Variants in SCRN3 observed in about 807,000 individuals in gnomAD.
SCRN3 encodes the protein secernin 3, also known as secernin-3.
In SCRN3, 39 loss-of-function variants were observed where a neutral mutation model predicts 43.1. That is an observed-to-expected ratio of 0.91 (90% CI 0.70 to 1.18). The LOEUF (loss-of-function observed/expected upper bound fraction) is 1.18, where lower values mean the gene tolerates loss of function less well. SCRN3 is among the 50% of genes most tolerant of loss of function. The pLI, the probability that SCRN3 is intolerant of heterozygous loss-of-function variation, is 0.00. For missense variants in SCRN3, 484 were observed against 498.0 expected (o/e 0.97, Z 0.27); for synonymous variants, 147 against 163.1 (o/e 0.90, Z 0.75).
intron 7 of SCRN3, 89 bp downstream of exon 7, chr2:174,424,738 C>T: frequency 1.0e-6 from 1 of 957,056 alleles, no homozygotes; most frequent in Middle Eastern, 3.4e-4. Flanking sequence ...GCTTTCCTCC[C>T]TTCTTATAAG....
At chr2:174,411,935 T>TTA (rs1574658607) in intron 5 of SCRN3, among the ~76,000 whole-genome samples, 1 of 152,168 alleles carries the variant, frequency 6.6e-6, no homozygotes, top group Non-Finnish European at 1.5e-5. Context: ...AAAATTTTTT[T>TTA]AATTAAAAAT....
chr2:174,403,994 A>C, intron 4 of SCRN3, 109 bp from the exon 5 acceptor site: 1 of 763,338 alleles, frequency 1.3e-6, no homozygotes, highest in South Asian at 2.1e-5. Context: ...CAAAATTTAG[A>C]AGTCTATATT....
Position 174,395,834 on chromosome 2 carries a change from G to A in SCRN3, c.-10+17G>A. Reference sequence around the variant, plus strand: ...GGAGGCCAGGTGAGGGGCGCGCACGGGGGAGGGGCGTGCATAGTTGAGACA... The same window carrying A: ...GGAGGCCAGGTGAGGGGCGCGCACGAGGGAGGGGCGTGCATAGTTGAGACA... On this transcript the variant is annotated intron_variant, in intron 1 of 7. Transcript: ENST00000272732. The A allele has an allele frequency of 6.7e-7, 1 of 1,502,334 alleles. No individual in the cohort carries two copies. The highest frequency in any genetic ancestry group is 8.9e-7 in the Non-Finnish European group (1 of 1,124,444). The allele number at this position is 1,502,334 out of a possible 1,614,324, so 93.1% of individuals were successfully genotyped here.
chr2:174,405,651 G>A (rs1263292640), intron 5 of SCRN3, among the ~76,000 whole-genome samples: 8 of 143,694 alleles, frequency 5.6e-5, no homozygotes, highest in African/African-American at 2.0e-4. Context: ...GTAAGGGAGG[G>A]ATCCAGTTTC....
At chr2:174,411,428 A>C (rs1685912689) in intron 5 of SCRN3, among the ~76,000 whole-genome samples, 1 of 152,142 alleles carries the variant, frequency 6.6e-6, no homozygotes, top group Non-Finnish European at 1.5e-5. Context: ...GATAGTTTCT[A>C]CTGTAATGTC....
At chr2:174,396,426 C>A in intron 1 of SCRN3, 2 of 560,140 alleles carry the variant, frequency 3.6e-6, no homozygotes, top group Non-Finnish European at 4.5e-6. Context: ...GCCCTTGGGA[C>A]TCCAGGTTTT....
At position 174,418,548 on chromosome 2, in the gene SCRN3, G is replaced by C. The variant is rs374683830; in HGVS notation, c.755-4337G>C. Among the ~76,000 whole-genome samples the C allele has an allele frequency of 3.9e-5, 6 of 152,288 alleles. No homozygotes were observed. In the East Asian group the frequency reaches 1.2e-3, roughly 29 times the overall value. ...ACTGCAGTCTCAGTACTTACTCAGT[G>C]CTTGCTAGTGGATTACTTATGGCTA... On this transcript the variant is annotated intron_variant, in intron 5 of 7. Coordinates refer to ENST00000272732, the MANE Select transcript of SCRN3 (RefSeq NM_024583.5).
intron 3 of SCRN3, 39 bp downstream of exon 3, chr2:174,400,142 A>C: frequency 7.2e-7 from 1 of 1,383,978 alleles, no homozygotes; most frequent in Non-Finnish European, 9.7e-7. Context: ...GACCTTGTCT[A>C]AATTTATAAT....
chr2:174,420,571 T>C (rs1686261716), intron 5 of SCRN3, among the ~76,000 whole-genome samples: 1 of 152,196 alleles, frequency 6.6e-6, no homozygotes, highest in Admixed American at 6.5e-5. Context: ...ATTACTATTA[T>C]ATATTCAAAA....
chr2:174,413,019 C>T (rs1372163460), intron 5 of SCRN3, among the ~76,000 whole-genome samples: 1 of 151,870 alleles, frequency 6.6e-6, no homozygotes, highest in Non-Finnish European at 1.5e-5. Flanking sequence ...CAGGCATGTG[C>T]CACCACACCC....
intron 1 of SCRN3, chr2:174,397,454 G>C: frequency 1.3e-6 from 1 of 779,004 alleles, no homozygotes; most frequent in Non-Finnish European, 1.6e-6. Flanking sequence ...TTAAATATGT[G>C]AACTTTCTCC....
intron 2 of SCRN3, 36 bp from the exon 3 acceptor site, chr2:174,399,886 G>C (rs747293173): frequency 1.5e-6 from 2 of 1,314,096 alleles, no homozygotes; most frequent in Non-Finnish European, 2.0e-6. Flanking sequence ...TGGTTTTGTG[G>C]TTCTTGCTAT....
At chr2:174,404,393 T>C (rs1164467002) in intron 5 of SCRN3, 78 bp downstream of exon 5, 19 of 884,446 alleles carry the variant, frequency 2.1e-5, no homozygotes, top group Non-Finnish European at 3.3e-5. Flanking sequence ...ATAACATCTG[T>C]TTTGGGGAAT....
chr2:174,400,968 G>A, intron 3 of SCRN3, 22 bp from the exon 4 acceptor site: 1 of 1,528,388 alleles, frequency 6.5e-7, no homozygotes, highest in Non-Finnish European at 8.8e-7. Context: ...TTTAATATGA[G>A]AACTTTATAT....
At chr2:174,421,439 G>A (rs1192500041) in intron 5 of SCRN3, among the ~76,000 whole-genome samples, 1 of 152,206 alleles carries the variant, frequency 6.6e-6, no homozygotes, top group Non-Finnish European at 1.5e-5. Flanking sequence ...AGTGCTTAAA[G>A]TCTATTGTGC....
chr2:174,419,614 CACAGTAT>C (rs1326984752), intron 5 of SCRN3, among the ~76,000 whole-genome samples: 83 of 99,708 alleles, frequency 8.3e-4, no homozygotes, highest in African/African-American at 2.3e-3. Context: ...CTCCTGGGCT[CACAGTAT>C]CAAGTGATAC....
At chr2:174,401,314 G>A in intron 4 of SCRN3, 125 bp downstream of exon 4, 2 of 719,038 alleles carry the variant, frequency 2.8e-6, no homozygotes, top group African/African-American at 1.8e-5. Flanking sequence ...TGAACTGCAA[G>A]GGAAATTTAA....
intron 5 of SCRN3, among the ~76,000 whole-genome samples, chr2:174,406,734 T>G (rs939088238): frequency 1.5e-5 from 2 of 137,268 alleles, no homozygotes; most frequent in Non-Finnish European, 3.3e-5. Flanking sequence ...TTTTTGTCTT[T>G]GGCTCTGTTT....
chr2:174,403,975 C>T (rs566555791), intron 4 of SCRN3, 128 bp from the exon 5 acceptor site: 10 of 618,190 alleles, frequency 1.6e-5, no homozygotes, highest in East Asian at 1.2e-4. Context: ...GTAATAGATG[C>T]CCATGGCACA....
Sources: allele counts gnomAD v4.1 joint callset (sites outside exome capture counted in the v4.1 genomes callset), GRCh38; gene constraint gnomAD v4.1.1; transcripts MANE v1.5; gene names NCBI Gene and HGNC (gene_info 2026-07-23, HGNC 2026-07-21).